SLC4A10: variants seen among roughly 807,000 people sequenced by gnomAD.
The protein encoded by SLC4A10 is solute carrier family 4 member 10, also known as sodium-driven chloride bicarbonate exchanger.
Under a neutral mutation model 137.7 loss-of-function variants are expected in SLC4A10, and 42 were observed. The observed-to-expected ratio is 0.30, with a 90% CI of 0.24 to 0.39. SLC4A10 has a LOEUF of 0.39. Ranked by LOEUF, SLC4A10 falls within the 10% of genes least tolerant of loss-of-function variation. The probability of loss-of-function intolerance (pLI) is 1.00; values close to 1 mark genes in which losing one functional copy is unlikely to be tolerated. For synonymous variants in SLC4A10, 474 were observed against 464.1 expected (o/e 1.02, Z -0.27); for missense variants, 925 against 1,355.0 (o/e 0.68, Z 4.98).
chr2:161,888,745 A>T (rs2062591823), intron 10 of SLC4A10, among the ~76,000 whole-genome samples: 1 of 152,090 alleles, frequency 6.6e-6, no homozygotes, highest in Non-Finnish European at 1.5e-5. Context: ...AGACAATTTG[A>T]GTTCCTCTCT....
chr2:161,900,867 A>T, intron 11 of SLC4A10, 44 bp from the exon 12 acceptor site: 1 of 1,354,112 alleles, frequency 7.4e-7, no homozygotes. Context: ...TTAACACCTG[A>T]AATTAAAACA....
intron 3 of SLC4A10, among the ~76,000 whole-genome samples, chr2:161,828,159 G>A (rs2058151782): frequency 6.6e-6 from 1 of 152,100 alleles, no homozygotes; most frequent in Admixed American, 6.6e-5. Flanking sequence ...GTTTTCCTAT[G>A]ATGGAACCAC....
rs183458991 is a variant in SLC4A10, at chr2:161,663,359, A to G, written c.48+38793A>G. The stretch of plus-strand genomic sequence containing the variant: ...TTACACTCTTTCATCTTTTTCTTTG[A>G]TGATTTGGGGCTATATTTCCATATT... On this transcript the variant is annotated intron_variant, in intron 1 of 26. Coordinates refer to ENST00000446997, the MANE Select transcript of SLC4A10 (RefSeq NM_001178015.2). Among the ~76,000 whole-genome samples the G allele has an allele frequency of 2.6e-5, 4 of 152,086 alleles. No homozygotes were observed. The East Asian group carries it at 7.7e-4, about 29-fold the overall frequency.
At chr2:161,665,220 T>G (rs79805382) in intron 1 of SLC4A10, among the ~76,000 whole-genome samples, 1,693 of 151,896 alleles carry the variant, frequency 0.011, 56 homozygotes, top group East Asian at 0.082. Flanking sequence ...GCACTTTAAC[T>G]TTTCAAAAGA....
intron 1 of SLC4A10, among the ~76,000 whole-genome samples, chr2:161,671,522 G>A (rs1177394035): frequency 6.6e-6 from 1 of 151,956 alleles, no homozygotes; most frequent in Non-Finnish European, 1.5e-5. Context: ...CTCACACTGG[G>A]GACTATTAGA....
At chr2:161,740,999 G>A (rs1431380903) in intron 1 of SLC4A10, among the ~76,000 whole-genome samples, 1 of 151,914 alleles carries the variant, frequency 6.6e-6, no homozygotes, top group East Asian at 1.9e-4. Context: ...CACCTAAACG[G>A]CCAGGTACAA....
chr2:161,755,388 T>C (rs1273219731), intron 1 of SLC4A10, among the ~76,000 whole-genome samples: 28 of 152,208 alleles, frequency 1.8e-4, no homozygotes, highest in Admixed American at 1.8e-3. Flanking sequence ...AAATAGAAGC[T>C]GTGTTGTGTG....
chr2:161,932,466 A>C (rs1690577187), intron 15 of SLC4A10, among the ~76,000 whole-genome samples: 1 of 152,178 alleles, frequency 6.6e-6, no homozygotes, highest in African/African-American at 2.4e-5. Flanking sequence ...CACTCATCTC[A>C]TTTCAGACTA....
At chr2:161,882,940 C>A (rs1212189951) in intron 10 of SLC4A10, among the ~76,000 whole-genome samples, 1 of 152,024 alleles carries the variant, frequency 6.6e-6, no homozygotes, top group Non-Finnish European at 1.5e-5. Flanking sequence ...TTTCAAGGAG[C>A]TTGTGATTTC....
chr2:161,755,938 T>C (rs1235954298), intron 1 of SLC4A10, among the ~76,000 whole-genome samples: 1 of 151,988 alleles, frequency 6.6e-6, no homozygotes, highest in African/African-American at 2.4e-5. Flanking sequence ...CCCAGCTAAT[T>C]TTTTGTATCT....
chr2:161,909,108 G>C (rs1473733557), intron 15 of SLC4A10, among the ~76,000 whole-genome samples: 2 of 147,710 alleles, frequency 1.4e-5, no homozygotes, highest in Non-Finnish European at 3.0e-5. Context: ...GGGAGGGATA[G>C]CATTAGGAGA....
rs530819790 is a variant in SLC4A10 at position 161,856,870 on chromosome 2, G to A, written c.577+1740G>A. 1.9e-3 allele frequency among the ~76,000 whole-genome samples: 296 copies of A among 152,152 alleles called. 1 individual carries two copies. The highest frequency in any genetic ancestry group is 6.5e-3 in the African/African-American group (272 of 41,542). The stretch of plus-strand genomic sequence containing the variant: ...AAAAGGTTAAAGGCCTTGCTCTAAG[G>A]CGTTTATTTCTGCCGCTTAAATCGA... On this transcript the variant is annotated intron_variant, in intron 5 of 26. Transcript: ENST00000446997.
intron 11 of SLC4A10, among the ~76,000 whole-genome samples, chr2:161,897,811 G>A (rs2063675247): frequency 1.3e-5 from 2 of 152,146 alleles, no homozygotes; most frequent in African/African-American, 4.8e-5. Flanking sequence ...TGAGTATGTA[G>A]AAACTCTTTA....
rs527854217 is a variant in SLC4A10 at position 161,824,485 on chromosome 2, C to T, written c.278-15304C>T. 9.2e-5 allele frequency among the ~76,000 whole-genome samples: 14 copies of T among 151,958 alleles called. 1 individual carries two copies. The South Asian group carries it at 2.5e-3, about 27-fold the overall frequency. On this transcript the variant is annotated intron_variant, in intron 3 of 26. Transcript: ENST00000446997. ...ATTATGAAACAGATTGTGAATATGG[C>T]GAAAAAGGTGGGGGTAAAAGGTATC... is the stretch of plus-strand genomic sequence containing the variant.
At position 161,639,806 on chromosome 2, in the gene SLC4A10, T is replaced by C. The variant is rs549293958; in HGVS notation, c.48+15240T>C. On this transcript the variant is annotated intron_variant, in intron 1 of 26. Coordinates refer to ENST00000446997, the MANE Select transcript of SLC4A10 (RefSeq NM_001178015.2). Reference sequence around the variant, plus strand: ...GCAAAAGAAAGAAATAAAGGTCATTTAAATTGGAAATGAGAAGTCAAAACT... The same window carrying C: ...GCAAAAGAAAGAAATAAAGGTCATTCAAATTGGAAATGAGAAGTCAAAACT... Among the ~76,000 whole-genome samples, 19 of 152,272 alleles carry C rather than the reference T, an allele frequency of 1.2e-4. No homozygotes were observed. The South Asian group carries it at 3.7e-3, about 30-fold the overall frequency.
intron 10 of SLC4A10, among the ~76,000 whole-genome samples, chr2:161,886,685 G>T (rs919570953): frequency 6.6e-6 from 1 of 151,850 alleles, no homozygotes; most frequent in Non-Finnish European, 1.5e-5. Context: ...TTAATTGAAA[G>T]AATTTATTTT....
At position 161,946,469 on chromosome 2, in the gene SLC4A10, A is replaced by G. The variant is rs558360521; in HGVS notation, c.2104-1097A>G. ...CAGACTCTGTGTTTGTGATCAATCT[A>G]TCAGTTCATATTTGTCTCCAAGATC... is the stretch of plus-strand genomic sequence containing the variant. On this transcript the variant is annotated intron_variant, in intron 16 of 26. Transcript: ENST00000446997. Among the ~76,000 whole-genome samples the G allele has an allele frequency of 2.6e-5, 4 of 152,170 alleles. No homozygotes were observed. The South Asian group carries it at 6.2e-4, about 24-fold the overall frequency.
chr2:161,888,687 G>T (rs1341433483), intron 10 of SLC4A10, among the ~76,000 whole-genome samples: 1 of 152,090 alleles, frequency 6.6e-6, no homozygotes, highest in African/African-American at 2.4e-5. Flanking sequence ...AGGAGATTTT[G>T]GGCTGAGACA....
intron 12 of SLC4A10, among the ~76,000 whole-genome samples, chr2:161,903,438 A>G (rs1027381784): frequency 2.6e-5 from 4 of 152,200 alleles, no homozygotes; most frequent in Non-Finnish European, 5.9e-5. Flanking sequence ...AAGGACATTT[A>G]GATGTCTTCC....
Sources: allele counts gnomAD v4.1 joint callset (sites outside exome capture counted in the v4.1 genomes callset), GRCh38; gene constraint gnomAD v4.1.1; transcripts MANE v1.5; gene names NCBI Gene and HGNC (gene_info 2026-07-23, HGNC 2026-07-21).